PCDH15: variants seen among roughly 807,000 people sequenced by gnomAD.
PCDH15 encodes the protein protocadherin related 15, also known as protocadherin-15.
Under a neutral mutation model 178.5 loss-of-function variants are expected in PCDH15, and 129 were observed. That is an observed-to-expected ratio of 0.72 (90% CI 0.63 to 0.84). PCDH15 has a LOEUF of 0.84. Among genes scored for constraint, PCDH15 ranks in the 40% least tolerant of loss-of-function variants. PCDH15 has a pLI of 0.00. For missense variants in PCDH15, 2,230 were observed against 2,099.9 expected (o/e 1.06, Z -1.21); for synonymous variants, 800 against 732.0 (o/e 1.09, Z -1.50).
chr10:54,017,894 C>T (rs1308381941), intron 20 of PCDH15, among the ~76,000 whole-genome samples: 1 of 151,982 alleles, frequency 6.6e-6, no homozygotes, highest in Non-Finnish European at 1.5e-5. Flanking sequence ...AAATAAAATC[C>T]ATACCCCAAA....
chr10:54,722,863 G>T (rs553407840), intron 1 of PCDH15, among the ~76,000 whole-genome samples: 33 of 151,622 alleles, frequency 2.2e-4, no homozygotes, highest in Admixed American at 4.6e-4. Context: ...TGTACAAGAA[G>T]AATGACAAAC....
intron 8 of PCDH15, among the ~76,000 whole-genome samples, chr10:54,309,557 G>C (rs1264656435): frequency 6.6e-6 from 1 of 152,098 alleles, no homozygotes; most frequent in Non-Finnish European, 1.5e-5. Context: ...ACTTTGGGAG[G>C]CCAAGGCAGG....
intron 8 of PCDH15, among the ~76,000 whole-genome samples, chr10:54,249,138 A>G (rs899476171): frequency 2.0e-5 from 3 of 152,078 alleles, no homozygotes; most frequent in African/African-American, 7.2e-5. Context: ...TTTGTTATCT[A>G]TGTATATATA....
chr10:54,953,028 T>A (rs1224467487), intron 2 of PCDH15, among the ~76,000 whole-genome samples: 4 of 151,704 alleles, frequency 2.6e-5, no homozygotes, highest in African/African-American at 9.7e-5. Context: ...AGTAGAATGT[T>A]AAGTAGAAGT....
intron 5 of PCDH15, among the ~76,000 whole-genome samples, chr10:54,347,271 A>C (rs915435367): frequency 7.9e-5 from 12 of 152,222 alleles, no homozygotes; most frequent in African/African-American, 2.6e-4. Flanking sequence ...GTTTTAGCTG[A>C]AATACTACTC....
chr10:55,605,662 T>C (rs1381086391), intron 2 of PCDH15, among the ~76,000 whole-genome samples: 4 of 138,930 alleles, frequency 2.9e-5, no homozygotes, highest in African/African-American at 1.1e-4. Flanking sequence ...ATTATCTCAA[T>C]AGATGCAGAA....
At chr10:55,319,010 T>C (rs1312920215) in intron 1 of PCDH15, among the ~76,000 whole-genome samples, 2 of 151,722 alleles carry the variant, frequency 1.3e-5, no homozygotes, top group African/African-American at 4.8e-5. Flanking sequence ...TTGGAGTTAT[T>C]ATGTCCATAT....
intron 2 of PCDH15, among the ~76,000 whole-genome samples, chr10:55,037,839 T>C (rs113672856): frequency 6.6e-6 from 1 of 152,214 alleles, no homozygotes. Flanking sequence ...AAATGTAATA[T>C]CTTTATTCTT....
chr10:55,321,365 G>C (rs1350130976), upstream of PCDH15, among the ~76,000 whole-genome samples: 3 of 152,134 alleles, frequency 2.0e-5, no homozygotes, highest in Non-Finnish European at 4.4e-5. Flanking sequence ...CCAAGTCTAT[G>C]ACTCATTATC....
chr10:54,048,362 CTGT>C (rs1432278756), intron 18 of PCDH15, among the ~76,000 whole-genome samples: 1 of 152,098 alleles, frequency 6.6e-6, no homozygotes, highest in Non-Finnish European at 1.5e-5. Flanking sequence ...GTTGTTTACT[CTGT>C]TGATATTTTA....
At chr10:55,431,257 T>C (rs1838874186) in intron 2 of PCDH15, among the ~76,000 whole-genome samples, 1 of 152,202 alleles carries the variant, frequency 6.6e-6, no homozygotes, top group African/African-American at 2.4e-5. Context: ...ATTCACTATC[T>C]TCTTGAATGA....
rs140001420 is a variant in PCDH15, at chr10:55,564,065, T to C, written c.-156+63560A>G. The stretch of plus-strand genomic sequence containing the variant: ...TGGTTTGTAACTTCATTTTTTATTT[T>C]CCACAGACTTCAAGAGACTAATATA... On this transcript the variant is annotated intron_variant, in intron 2 of 5. Transcript: ENST00000613346. Among the ~76,000 whole-genome samples the C allele has an allele frequency of 5.8e-3, 886 of 152,016 alleles. 6 individuals carry two copies. The highest frequency in any genetic ancestry group is 0.02 in the African/African-American group (845 of 41,546).
At chr10:55,043,714 GAAAATAAATAAATAAATAAATAAAT>G (rs898618571) in intron 2 of PCDH15, among the ~76,000 whole-genome samples, 2 of 79,246 alleles carry the variant, frequency 2.5e-5, no homozygotes, top group African/African-American at 1.1e-4. Context: ...TGTCTAAATA[GAAAATAAATAAATAAATAAATAAAT>G]AAAATAAATA....
intron 2 of PCDH15, among the ~76,000 whole-genome samples, chr10:54,958,788 C>A (rs566656858): frequency 6.6e-6 from 1 of 151,674 alleles, no homozygotes; most frequent in East Asian, 1.9e-4. Flanking sequence ...CCCCACTCTC[C>A]AAAATGACCA....
At chr10:55,159,557 A>T (rs1043613135) in intron 2 of PCDH15, among the ~76,000 whole-genome samples, 5 of 149,352 alleles carry the variant, frequency 3.3e-5, no homozygotes, top group African/African-American at 4.9e-5. Flanking sequence ...AATAAATATA[A>T]CCTGGTAAAT....
chr10:55,547,556 T>C (rs1156326412), intron 2 of PCDH15, among the ~76,000 whole-genome samples: 2 of 151,934 alleles, frequency 1.3e-5, no homozygotes, highest in African/African-American at 4.8e-5. Flanking sequence ...AATCACAAAT[T>C]GTTTTCAATT....
chr10:55,273,522 G>A lies in PCDH15; in HGVS notation c.-156+46077C>T, dbSNP rs76553814. Among the ~76,000 whole-genome samples, 1,154 of 152,200 alleles carry A rather than the reference G, an allele frequency of 7.6e-3. 15 individuals carry two copies. The highest frequency in any genetic ancestry group is 0.026 in the African/African-American group (1,091 of 41,486). On this transcript the variant is annotated intron_variant, in intron 1 of 5. Coordinates refer to the PCDH15 transcript ENST00000458638. ...AATTCCACAAACTAGAAGGGTGTAT[G>A]TGGTGGGTGGGTTGGTGGGCAAGGG...
At chr10:54,507,865 T>G (rs2081302528) in intron 3 of PCDH15, among the ~76,000 whole-genome samples, 1 of 152,026 alleles carries the variant, frequency 6.6e-6, no homozygotes, top group African/African-American at 2.4e-5. Flanking sequence ...TATTAAAATT[T>G]CAGTATGAAT....
intron 29 of PCDH15, among the ~76,000 whole-genome samples, chr10:53,836,354 C>A (rs908111753): frequency 6.6e-5 from 10 of 152,192 alleles, no homozygotes; most frequent in Admixed American, 5.9e-4. Flanking sequence ...ATTCCATGAC[C>A]CACCTCTTCC....
Sources: gnomAD v4.1 joint callset for allele counts (sites outside exome capture counted in the v4.1 genomes callset) on GRCh38, gnomAD v4.1.1 for gene constraint, MANE v1.5 for transcripts, NCBI Gene and HGNC (gene_info 2026-07-23, HGNC 2026-07-21) for gene names.